The following DTX2 variants were observed in gnomAD, a reference collection of about 807,000 sequenced individuals.
DTX2 encodes the protein probable E3 ubiquitin-protein ligase DTX2.
In DTX2, 29 loss-of-function variants were observed where a neutral mutation model predicts 55.3. The observed-to-expected ratio is 0.52, with a 90% CI of 0.39 to 0.71. The LOEUF is 0.71. Ranked by LOEUF, DTX2 falls within the 30% of genes least tolerant of loss-of-function variation. The pLI is 0.00. For synonymous variants in DTX2, 276 were observed against 340.4 expected (o/e 0.81, Z 2.08); for missense variants, 537 against 822.5 (o/e 0.65, Z 4.25).
chr7:76,469,358 A>AG (rs1171560166), intron 2 of DTX2, among the ~76,000 whole-genome samples: 9 of 79,730 alleles, frequency 1.1e-4, no homozygotes, highest in Middle Eastern at 6.4e-3. Context: ...CTTGAAATCT[A>AG]GATTTTTTTT....
intron 2 of DTX2, among the ~76,000 whole-genome samples, chr7:76,476,324 TG>T (rs1808537569): frequency 8.6e-6 from 1 of 115,862 alleles, no homozygotes; most frequent in Non-Finnish European, 1.8e-5. Flanking sequence ...GACACGCCAC[TG>T]TATTGTGCAT....
intron 2 of DTX2, chr7:76,472,036 G>C (rs897404711): frequency 6.7e-6 from 1 of 148,962 alleles, no homozygotes; most frequent in Non-Finnish European, 1.5e-5. Flanking sequence ...CCAGTAAGAC[G>C]TGGGAGGCAC....
At chr7:76,486,846 G>GGCGGCGGCTGCTGCTGCTGCT (rs1554636852) in intron 4 of DTX2, among the ~76,000 whole-genome samples, 1 of 79,838 alleles carries the variant, frequency 1.3e-5, no homozygotes, top group African/African-American at 5.6e-5. Context: ...TGTTGTGGTG[G>GGCGGCGGCTGCTGCTGCTGCT]GCTGCTGCTG....
chr7:76,473,797 G>T (rs1229844172), intron 2 of DTX2, among the ~76,000 whole-genome samples: 1 of 105,258 alleles, frequency 9.5e-6, no homozygotes, highest in Non-Finnish European at 2.0e-5. Flanking sequence ...GATGGAAGGA[G>T]ACTCTGTCTC....
chr7:76,474,409 TAAAA>T (rs1224360003), intron 2 of DTX2, among the ~76,000 whole-genome samples: 116 of 152,094 alleles, frequency 7.6e-4, no homozygotes, highest in African/African-American at 2.7e-3. Context: ...TTTCTGCTTG[TAAAA>T]GTCTGGAAAC....
intron 2 of DTX2, 21 bp from the exon 3 acceptor site, chr7:76,480,400 T>C (rs1351966891): frequency 1.6e-6 from 2 of 1,246,234 alleles, no homozygotes; most frequent in Non-Finnish European, 2.2e-6. Context: ...TGGTAACTGC[T>C]CATGTCTGTC....
chr7:76,477,905 G>A (rs1808725654), intron 2 of DTX2, among the ~76,000 whole-genome samples: 1 of 150,268 alleles, frequency 6.7e-6, no homozygotes, highest in Non-Finnish European at 1.5e-5. Flanking sequence ...ACACATACAT[G>A]ACTAAGAGGC....
At chr7:76,504,988 G>A (rs1812178972) in intron 10 of DTX2, among the ~76,000 whole-genome samples, 1 of 151,090 alleles carries the variant, frequency 6.6e-6, no homozygotes, top group Non-Finnish European at 1.5e-5. Flanking sequence ...TGGGCTTGAG[G>A]TGGCGGAGCT....
intron 4 of DTX2, among the ~76,000 whole-genome samples, chr7:76,491,711 T>C (rs1366182364): frequency 9.0e-6 from 1 of 111,072 alleles, no homozygotes; most frequent in African/African-American, 3.8e-5. Flanking sequence ...TGAGACAGGG[T>C]CTCACTCTGT....
chr7:76,480,813 G>A (rs929049915), intron 3 of DTX2, 36 bp downstream of exon 3: 1 of 1,539,794 alleles, frequency 6.5e-7, no homozygotes, highest in African/African-American at 1.4e-5. Context: ...ATATCTGGGT[G>A]CCGCACCTGC....
chr7:76,499,354 C>T (rs114314090), intron 6 of DTX2, among the ~76,000 whole-genome samples: 1,532 of 143,940 alleles, frequency 0.011, 34 homozygotes, highest in African/African-American at 0.039. Flanking sequence ...CAAACCGTGC[C>T]GACTCCAGCC....
At chr7:76,463,129 A>G (rs1806780531) in intron 1 of DTX2, among the ~76,000 whole-genome samples, 1 of 151,110 alleles carries the variant, frequency 6.6e-6, no homozygotes, top group African/African-American at 2.4e-5. Context: ...AAAAGGGCTC[A>G]GAGCCAGGCG....
At chr7:76,469,001 A>T (rs1195064481) in intron 2 of DTX2, among the ~76,000 whole-genome samples, 20 of 115,050 alleles carry the variant, frequency 1.7e-4, no homozygotes, top group African/African-American at 6.4e-4. Context: ...CTGGCCTCAA[A>T]TGATCCACCC....
chr7:76,499,071 TGGTGTGTGGAGGTGTGA>T (rs1563752961), intron 6 of DTX2, among the ~76,000 whole-genome samples: 12 of 9,420 alleles, frequency 1.3e-3, no homozygotes, highest in Non-Finnish European at 1.8e-3. Flanking sequence ...GAGCTGTGTG[TGGTGTGTGGAGGTGTGA>T]GGTGTGTGGA....
At chr7:76,477,079 G>A (rs1204213237) in intron 2 of DTX2, 1 of 149,242 alleles carries the variant, frequency 6.7e-6, no homozygotes, top group African/African-American at 2.5e-5. Flanking sequence ...GGCTTGGAAG[G>A]CAGTCCTCTG....
At position 76,503,605 on chromosome 7, in the gene DTX2, G is replaced by T. The variant is rs746889603; in HGVS notation, c.1551+18G>T. ...GTATCCAGGTGAGGGGCCTTCTTGA[G>T]TCCCCCACTCCTGGCCACTCCTCTT... On this transcript the variant is annotated intron_variant, in intron 9 of 10. Transcript: ENST00000430490. 4 of 1,602,592 alleles carry T rather than the reference G, an allele frequency of 2.5e-6. No individual in the cohort carries two copies. The African/African-American group carries it at 4.0e-5, about 16-fold the overall frequency.
intron 2 of DTX2, among the ~76,000 whole-genome samples, chr7:76,479,304 A>C (rs1808898298): frequency 1.0e-5 from 1 of 96,464 alleles, no homozygotes; most frequent in African/African-American, 4.6e-5. Context: ...GCCGGTCAGC[A>C]GGGGCCAGGT....
intron 2 of DTX2, among the ~76,000 whole-genome samples, chr7:76,480,027 G>C (rs1254107876): frequency 1.5e-5 from 2 of 134,062 alleles, no homozygotes; most frequent in Non-Finnish European, 3.1e-5. Context: ...GCAAGCGTGA[G>C]ACCAGGCGCG....
At chr7:76,483,405 A>G (rs376629505) in intron 4 of DTX2, among the ~76,000 whole-genome samples, 4 of 152,354 alleles carry the variant, frequency 2.6e-5, no homozygotes, top group East Asian at 1.9e-4. Context: ...GGGCCTCCAC[A>G]TGGAGCAGAG....
Sources: gnomAD v4.1 joint callset for allele counts (sites outside exome capture counted in the v4.1 genomes callset) on GRCh38, gnomAD v4.1.1 for gene constraint, MANE v1.5 for transcripts, NCBI Gene and HGNC (gene_info 2026-07-23, HGNC 2026-07-21) for gene names.